DIAPH2: variants seen among roughly 807,000 people sequenced by gnomAD.
The protein encoded by DIAPH2 is protein diaphanous homolog 2.
DIAPH2 carries 35 observed loss-of-function variants against 92.7 expected under a neutral mutation model. That is an observed-to-expected ratio of 0.38 (90% confidence interval 0.29 to 0.50). The LOEUF (loss-of-function observed/expected upper bound fraction) is 0.50. Among genes scored for constraint, DIAPH2 ranks in the 20% least tolerant of loss-of-function variants. DIAPH2 has a pLI of 0.94. For synonymous variants in DIAPH2, 301 were observed against 280.4 expected (o/e 1.07, Z -0.73); for missense variants, 701 against 819.5 (o/e 0.86, Z 1.77).
chrX:96,890,485 A>T (rs2065299721), intron 5 of DIAPH2, among the ~76,000 whole-genome samples: 1 of 111,685 alleles, frequency 9.0e-6, no homozygotes, highest in Non-Finnish European at 1.9e-5. Flanking sequence ...GGATGAAAGC[A>T]GTTCCTAAAA....
At chrX:97,257,018 C>T (rs1251857772) in intron 23 of DIAPH2, among the ~76,000 whole-genome samples, 1 of 106,145 alleles carries the variant, frequency 9.4e-6, no homozygotes, top group Non-Finnish European at 1.9e-5. Flanking sequence ...AAAAAAAATA[C>T]AAGAAAGTAT....
intron 4 of DIAPH2, among the ~76,000 whole-genome samples, chrX:96,777,069 A>G (rs984369583): frequency 8.9e-6 from 1 of 111,936 alleles, no homozygotes; most frequent in Admixed American, 9.5e-5. Context: ...GGTAGATGAT[A>G]GCTTCTAATA....
intron 26 of DIAPH2, among the ~76,000 whole-genome samples, chrX:97,455,437 C>G (rs922650963): frequency 1.8e-4 from 20 of 111,922 alleles, no homozygotes; most frequent in African/African-American, 6.5e-4. Context: ...TTGATGTTGC[C>G]TTTGTTCGTT....
chrX:97,277,431 A>T (rs1385715554), intron 23 of DIAPH2, among the ~76,000 whole-genome samples: 1 of 111,984 alleles, frequency 8.9e-6, no homozygotes, highest in African/African-American at 3.2e-5. Context: ...ATCAGAGGAG[A>T]GAAAGCTCAC....
chrX:97,160,655 A>G (rs1213711854), intron 22 of DIAPH2, among the ~76,000 whole-genome samples: 1 of 111,648 alleles, frequency 9.0e-6, no homozygotes, highest in African/African-American at 3.3e-5. Flanking sequence ...AATCTTAGTT[A>G]CTTTGGAATA....
intron 1 of DIAPH2, among the ~76,000 whole-genome samples, chrX:96,728,278 C>T (rs1312523106): frequency 3.7e-5 from 4 of 108,547 alleles, no homozygotes; most frequent in African/African-American, 1.3e-4. Context: ...GGCATGATCT[C>T]GGTTCACTGC....
At chrX:97,470,293 A>G (rs1451256742) in intron 26 of DIAPH2, among the ~76,000 whole-genome samples, 1 of 111,706 alleles carries the variant, frequency 9.0e-6, no homozygotes, top group African/African-American at 3.3e-5. Context: ...GAACTTCATT[A>G]ACTTGAACAC....
At chrX:97,112,381 T>G (rs2147376309) in intron 20 of DIAPH2, among the ~76,000 whole-genome samples, 1 of 110,625 alleles carries the variant, frequency 9.0e-6, no homozygotes, top group Non-Finnish European at 1.9e-5. Flanking sequence ...AAACGTAAAA[T>G]GATAGAAAAC....
chrX:97,542,698 G>A (rs1322691126), intron 26 of DIAPH2, among the ~76,000 whole-genome samples: 1 of 111,435 alleles, frequency 9.0e-6, no homozygotes, highest in Non-Finnish European at 1.9e-5. Flanking sequence ...CCATGGCCAA[G>A]GGAGACAATC....
At chrX:97,272,673 G>A (rs1390051413) in intron 23 of DIAPH2, among the ~76,000 whole-genome samples, 5 of 111,260 alleles carry the variant, frequency 4.5e-5, no homozygotes, top group Non-Finnish European at 5.6e-5. Context: ...AAGTTCATGG[G>A]TAATACATTA....
At chrX:97,296,674 A>G (rs1048304246) in intron 23 of DIAPH2, among the ~76,000 whole-genome samples, 2 of 112,353 alleles carry the variant, frequency 1.8e-5, no homozygotes, top group Non-Finnish European at 3.8e-5. Context: ...TCTTTATGCC[A>G]TTAGGGCATT....
At chrX:97,454,853 CAAA>C (rs74581124) in intron 26 of DIAPH2, among the ~76,000 whole-genome samples, 1 of 62,603 alleles carries the variant, frequency 1.6e-5, no homozygotes. Context: ...GACTTCGTCT[CAAA>C]AAAAAAAAAA....
chrX:97,293,465 A>G (rs5921770), intron 23 of DIAPH2, among the ~76,000 whole-genome samples: 124 of 109,457 alleles, frequency 1.1e-3, no homozygotes, highest in Middle Eastern at 4.8e-3. Flanking sequence ...GTTGGCCAGG[A>G]TGGTCTCTGT....
chrX:97,226,338 G>A (rs1043325082), intron 22 of DIAPH2, among the ~76,000 whole-genome samples: 7 of 99,785 alleles, frequency 7.0e-5, no homozygotes, highest in African/African-American at 2.9e-4. Flanking sequence ...ATGAGTATAC[G>A]TTTTTTGTTT....
At chrX:96,862,577 T>G (rs1602574625) in intron 4 of DIAPH2, among the ~76,000 whole-genome samples, 1 of 112,277 alleles carries the variant, frequency 8.9e-6, no homozygotes, top group East Asian at 2.8e-4. Flanking sequence ...GAGTTCCAGC[T>G]AGTGCTGGCG....
At chrX:96,868,393 G>A (rs2065118482) in intron 4 of DIAPH2, among the ~76,000 whole-genome samples, 1 of 111,874 alleles carries the variant, frequency 8.9e-6, no homozygotes, top group African/African-American at 3.2e-5. Context: ...ACTCAGGGAT[G>A]ATTAAAACTA....
intron 4 of DIAPH2, among the ~76,000 whole-genome samples, chrX:96,759,783 C>T (rs951106461): frequency 9.0e-6 from 1 of 111,483 alleles, no homozygotes; most frequent in Non-Finnish European, 1.9e-5. Context: ...TTATATGAAA[C>T]TCTTATTCCT....
At chrX:97,123,877 G>T (rs925052358) in intron 21 of DIAPH2, among the ~76,000 whole-genome samples, 1 of 112,597 alleles carries the variant, frequency 8.9e-6, no homozygotes, top group Non-Finnish European at 1.9e-5. Flanking sequence ...TAAGATGTCA[G>T]CTACCTGGTC....
intron 23 of DIAPH2, among the ~76,000 whole-genome samples, chrX:97,313,922 G>C (rs1237866847): frequency 9.1e-6 from 1 of 110,494 alleles, no homozygotes; most frequent in African/African-American, 3.3e-5. Context: ...TTACAGGCAT[G>C]AGCCACCGTG....
Sources: allele counts gnomAD v4.1 joint callset (sites outside exome capture counted in the v4.1 genomes callset), GRCh38; gene constraint gnomAD v4.1.1; transcripts MANE v1.5; gene names NCBI Gene and HGNC (gene_info 2026-07-23, HGNC 2026-07-21).